ACLY: variants seen among roughly 807,000 people sequenced by gnomAD.
ACLY encodes the protein ATP-citrate synthase.
In ACLY, 41 loss-of-function variants were observed where a neutral mutation model predicts 133.0. That is an observed-to-expected ratio of 0.31 (90% CI 0.24 to 0.40). The LOEUF is 0.40. Ranked by LOEUF, ACLY falls within the 10% of genes least tolerant of loss-of-function variation. The pLI, the probability that ACLY is intolerant of heterozygous loss-of-function variation, is 1.00. For missense variants in ACLY, 1,046 were observed against 1,453.8 expected, an observed-to-expected ratio of 0.72 and a Z score of 4.56; for synonymous variants, 495 against 549.3, an observed-to-expected ratio of 0.90 and a Z score of 1.38.
At chr17:41,896,719 G>A in intron 13 of ACLY, 70 bp from the exon 14 acceptor site, 2 of 1,420,482 alleles carry the variant, frequency 1.4e-6, no homozygotes, top group Admixed American at 2.2e-5. Context: ...GGAGAGGGTG[G>A]GAACAGGGAA....
intron 17 of ACLY, among the ~76,000 whole-genome samples, chr17:41,887,131 A>G (rs1354156308): frequency 2.8e-3 from 50 of 17,828 alleles, no homozygotes; most frequent in African/African-American, 4.7e-3. Flanking sequence ...CTCAAAGAAA[A>G]AAAAAAAAAA....
At position 41,907,153 on chromosome 17, in the gene ACLY, A is replaced by C. The variant is rs2049743547; in HGVS notation, c.747+289T>G. 2.6e-5 allele frequency among the ~76,000 whole-genome samples: 4 copies of C among 152,118 alleles called. 1 individual carries two copies. In the South Asian group the frequency reaches 8.3e-4, roughly 32 times the overall value. On this transcript the variant is annotated intron_variant, in intron 7 of 28. Transcript: ENST00000352035. ...TGAGACGCGGAGAGAATGACCTTCC[A>C]TCAGGATTAAGGCGAGACACTTGGA... is the stretch of plus-strand genomic sequence containing the variant.
intron 16 of ACLY, among the ~76,000 whole-genome samples, chr17:41,891,369 G>A (rs537834108): frequency 4.5e-4 from 69 of 152,102 alleles, no homozygotes; most frequent in African/African-American, 1.6e-3. Context: ...TAGTGGGGGT[G>A]GGGTGGAGCC....
At chr17:41,871,645 G>A (rs773992186) in intron 25 of ACLY, 44 bp downstream of exon 25, 187 of 1,610,848 alleles carry the variant, frequency 1.2e-4, no homozygotes, top group Non-Finnish European at 1.5e-4. Context: ...ATGGGCCACC[G>A]CGCCTGGCCT....
chr17:41,869,130 G>A lies in ACLY; in HGVS notation c.3052-5C>T, dbSNP rs1027351313. The A allele has an allele frequency of 1.2e-6, 2 of 1,606,416 alleles. No homozygotes were observed. The highest frequency in any genetic ancestry group is 1.7e-6 in the Non-Finnish European group (2 of 1,177,452). On this transcript the variant is annotated splice_polypyrimidine_tract_variant and splice_region_variant and intron_variant, in intron 26 of 28. Transcript: ENST00000352035. ...ATTCAGGATAAGATTTGGCTTCTGG[G>A]AAGGCAAAAAAATTCAAAGCATTTA... is the stretch of plus-strand genomic sequence containing the variant.
rs782696154 is a variant in ACLY at position 41,886,234 on chromosome 17, T to A, written c.1950A>T (p.Lys650Asn). The A allele has an allele frequency of 8.7e-6, 14 of 1,613,972 alleles. No individual in the cohort carries two copies. The highest frequency in any genetic ancestry group is 1.2e-5 in the Non-Finnish European group (14 of 1,179,994). ...AGGCCACGCTGCCTGGGCGGTACAG[T>A]TTGGAGGCCAGGATGTTGTCCAGCA... is the stretch of plus-strand genomic sequence containing the variant. Reference protein sequence around the residue: ...GGMLDNILASKLYRPGSVAYV... With the variant: ...GGMLDNILASNLYRPGSVAYV... The change falls in exon 18 of 29, where the codon AAA becomes AAT. Residue 650 changes from lysine (K) to asparagine (N), a missense_variant. By Grantham distance (94) the Lys-to-Asn change is moderately conservative. This residue lies in a region of ACLY where 575 missense variants were observed against 804.2 expected (regional missense o/e 0.71). Coordinates refer to ENST00000352035, the MANE Select transcript of ACLY (RefSeq NM_001096.3).
intron 1 of ACLY, among the ~76,000 whole-genome samples, chr17:41,925,149 C>A (rs956672675): frequency 6.6e-6 from 1 of 151,874 alleles, no homozygotes; most frequent in Admixed American, 6.6e-5. Context: ...GATTCTCCTG[C>A]CTCAGCCTCC....
chr17:41,869,714 T>C lies in ACLY; in HGVS notation c.2938-127A>G. ...GCGATTCAGGAACCTGGCCCACGTG[T>C]ACCATTCCATGTGGCACCAATTGTG... On this transcript the variant is annotated intron_variant, in intron 25 of 28. Transcript: ENST00000352035. The C allele has an allele frequency of 7.3e-6, 5 of 688,654 alleles. No individual in the cohort carries two copies. In the South Asian group the frequency reaches 9.4e-5, roughly 13 times the overall value. 42.7% of individuals were successfully genotyped at this position (688,654 alleles called of 1,614,324 possible).
At position 41,900,561 on chromosome 17, in the gene ACLY, AT is replaced by A. The variant is rs546570598; in HGVS notation, c.1183+1134del. Among the ~76,000 whole-genome samples, 829 of 145,322 alleles carry A rather than the reference AT, an allele frequency of 5.7e-3. 14 individuals carry two copies. In the South Asian group the frequency reaches 0.069, roughly 12 times the overall value. Reference sequence around the variant, plus strand: ...ACAGTGAGACACTATCTCACAACAAATTTTTTTTTTTTAATTAGCCAGGTGT... The same window carrying A: ...ACAGTGAGACACTATCTCACAACAAATTTTTTTTTTTAATTAGCCAGGTGT... On this transcript the variant is annotated intron_variant, in intron 11 of 28. Coordinates refer to ENST00000352035, the MANE Select transcript of ACLY (RefSeq NM_001096.3).
At chr17:41,900,184 C>A (rs2049496193) in intron 11 of ACLY, among the ~76,000 whole-genome samples, 1 of 148,868 alleles carries the variant, frequency 6.7e-6, no homozygotes, top group South Asian at 2.1e-4. Context: ...CACGGTGAAA[C>A]CCCGTCTCTA....
chr17:41,897,926 C>T (rs2049420219), intron 12 of ACLY, 87 bp from the exon 13 acceptor site: 7 of 1,217,046 alleles, frequency 5.8e-6, no homozygotes, highest in African/African-American at 1.5e-5. Flanking sequence ...AAAGAAAACT[C>T]GTAATAAAAA....
chr17:41,869,010 CGTAAT>C (rs1264200740), intron 27 of ACLY, 28 bp downstream of exon 27: 1 of 1,562,938 alleles, frequency 6.4e-7, no homozygotes, highest in Non-Finnish European at 8.8e-7. Context: ...AATCAACAAA[CGTAAT>C]GAAGAAGAAA....
chr17:41,900,295 G>A (rs1184182027), intron 11 of ACLY, among the ~76,000 whole-genome samples: 2 of 146,940 alleles, frequency 1.4e-5, no homozygotes, highest in South Asian at 2.2e-4. Flanking sequence ...CCCGGGAGGC[G>A]GAGCTTGCAG....
rs200547452 is a variant in ACLY at position 41,897,822 on chromosome 17, C to T, written c.1356G>A (p.Arg452=). ...CCCTGGACTCAGAAAAAGATGCTGT[C>T]CTGCTGGGGGCTGGCGTCTGGGGTG... ...SGSTSTPAPS[R]TASFSESRAD... is the part of the protein sequence containing the mutation. The change falls in exon 13 of 29, where the codon AGG becomes AGA. Residue 452 remains arginine (R), a synonymous_variant. Coordinates refer to ENST00000352035, the MANE Select transcript of ACLY (RefSeq NM_001096.3). 7.6e-5 allele frequency: 123 copies of T among 1,613,638 alleles called. 3 individuals are homozygous for T. In the South Asian group the frequency reaches 1.3e-3, roughly 17 times the overall value.
intron 24 of ACLY, 68 bp downstream of exon 24, chr17:41,871,964 G>A (rs2048609389): frequency 1.2e-6 from 2 of 1,601,490 alleles, no homozygotes; most frequent in Admixed American, 1.7e-5. Flanking sequence ...GGGCCCTGCT[G>A]TGGCAAAGCA....
chr17:41,883,952 G>A (rs987331075), intron 19 of ACLY, among the ~76,000 whole-genome samples: 5 of 152,036 alleles, frequency 3.3e-5, no homozygotes, highest in Admixed American at 1.3e-4. Flanking sequence ...TGGCCAGCCA[G>A]AGCAGAGCTT....
intron 1 of ACLY, among the ~76,000 whole-genome samples, chr17:41,914,141 G>A (rs1037297868): frequency 2.0e-5 from 3 of 152,204 alleles, no homozygotes; most frequent in Non-Finnish European, 2.9e-5. Flanking sequence ...AAACAAAAGT[G>A]CCATTTCCCC....
At chr17:41,891,070 T>G (rs544953701) in intron 16 of ACLY, among the ~76,000 whole-genome samples, 12 of 152,308 alleles carry the variant, frequency 7.9e-5, no homozygotes, top group Middle Eastern at 3.4e-3. Flanking sequence ...GGACTTACTC[T>G]GCTGCCCAGG....
chr17:41,918,416 G>A (rs138158621), intron 1 of ACLY, among the ~76,000 whole-genome samples: 2,291 of 152,302 alleles, frequency 0.015, 31 homozygotes, highest in Non-Finnish European at 0.019. Flanking sequence ...AACCAAGAAG[G>A]GCCTGAGCCC....
Sources: gnomAD v4.1 joint callset for allele counts (sites outside exome capture counted in the v4.1 genomes callset) on GRCh38, gnomAD v4.1.1 for gene constraint, gnomAD v4.1.1 regional missense constraint, MANE v1.5 for transcripts, NCBI Gene and HGNC (gene_info 2026-07-23, HGNC 2026-07-21) for gene names.